SGCZ: variants seen among roughly 807,000 people sequenced by gnomAD.
SGCZ encodes the protein sarcoglycan zeta, also known as zeta-sarcoglycan.
Under a neutral mutation model 41.3 loss-of-function variants are expected in SGCZ, and 40 were observed. That is an observed-to-expected ratio of 0.97 (90% CI 0.75 to 1.26). The LOEUF is 1.26. Among genes scored for constraint, SGCZ ranks in the 50% most tolerant of loss-of-function variants. SGCZ has a pLI of 0.00. For missense variants in SGCZ, 552 were observed against 369.8 expected, an observed-to-expected ratio of 1.49 and a Z score of -4.04; for synonymous variants, 206 against 137.5, an observed-to-expected ratio of 1.50 and a Z score of -3.49.
chr8:14,379,774 C>T (rs2117186636), intron 2 of SGCZ, among the ~76,000 whole-genome samples: 1 of 152,152 alleles, frequency 6.6e-6, no homozygotes, highest in Admixed American at 6.5e-5. Flanking sequence ...CTCTGCTGCC[C>T]AGGCTGGAGT....
At chr8:14,418,854 G>A (rs1024437937) in intron 2 of SGCZ, among the ~76,000 whole-genome samples, 1 of 151,916 alleles carries the variant, frequency 6.6e-6, no homozygotes, top group Non-Finnish European at 1.5e-5. Flanking sequence ...CCAGTCAACA[G>A]TTTTGTGGAA....
At chr8:14,944,022 G>T (rs529746039) in intron 1 of SGCZ, among the ~76,000 whole-genome samples, 2 of 151,974 alleles carry the variant, frequency 1.3e-5, no homozygotes, top group African/African-American at 2.4e-5. Context: ...TGGGCATTTA[G>T]GTGAATTCCA....
At chr8:14,144,236 C>A (rs1018767595) in intron 5 of SGCZ, among the ~76,000 whole-genome samples, 1 of 152,172 alleles carries the variant, frequency 6.6e-6, no homozygotes, top group Non-Finnish European at 1.5e-5. Context: ...CCCCATCCTT[C>A]CACTTAAAGA....
At chr8:15,105,664 G>A (rs1806796212) in intron 1 of SGCZ, among the ~76,000 whole-genome samples, 1 of 152,126 alleles carries the variant, frequency 6.6e-6, no homozygotes, top group Non-Finnish European at 1.5e-5. Flanking sequence ...TGAGATCTGG[G>A]CAGGGACACA....
Position 14,101,050 on chromosome 8 carries a change from A to G in SGCZ, c.744+1326T>C, listed in dbSNP as rs537055822. ...ATATAGACTAGCATATAAATCATGTATGAGCATTTAAAATAACTAAGGTAG... is the reference window on the plus strand; with the variant it reads ...ATATAGACTAGCATATAAATCATGTGTGAGCATTTAAAATAACTAAGGTAG... On this transcript the variant is annotated intron_variant, in intron 7 of 7. Transcript: ENST00000382080. Among the ~76,000 whole-genome samples the G allele has an allele frequency of 6.6e-5, 10 of 152,322 alleles. 1 individual carries two copies. In the South Asian group the frequency reaches 2.1e-3, roughly 32 times the overall value.
At chr8:14,529,855 T>C (rs757425333) in intron 2 of SGCZ, among the ~76,000 whole-genome samples, 1 of 152,080 alleles carries the variant, frequency 6.6e-6, no homozygotes, top group African/African-American at 2.4e-5. Flanking sequence ...AATTTAAATA[T>C]ATTAGTGTGC....
intron 1 of SGCZ, among the ~76,000 whole-genome samples, chr8:14,741,256 TA>T (rs1320237999): frequency 6.6e-6 from 1 of 152,046 alleles, no homozygotes; most frequent in African/African-American, 2.4e-5. Context: ...TTTGGAGCAA[TA>T]ACCGTATTAA....
intron 2 of SGCZ, among the ~76,000 whole-genome samples, chr8:14,334,580 ATCT>A (rs989574259): frequency 8.5e-5 from 13 of 152,156 alleles, no homozygotes; most frequent in South Asian, 4.1e-4. Flanking sequence ...TAATTTGTAT[ATCT>A]TCTTAATTTA....
At chr8:15,100,439 G>T (rs1343108215) in intron 1 of SGCZ, among the ~76,000 whole-genome samples, 1 of 152,090 alleles carries the variant, frequency 6.6e-6, no homozygotes, top group Non-Finnish European at 1.5e-5. Context: ...AAATACTGAT[G>T]AAAGAAATCA....
Position 14,108,122 on chromosome 8 carries a change from A to G in SGCZ, c.620+41T>C, listed in dbSNP as rs771735314. 7 of 1,573,534 alleles carry G rather than the reference A, an allele frequency of 4.4e-6. No individual in the cohort carries two copies. The East Asian group carries it at 6.7e-5, about 15-fold the overall frequency. On this transcript the variant is annotated intron_variant, in intron 6 of 7. Coordinates refer to ENST00000382080, the MANE Select transcript of SGCZ (RefSeq NM_139167.4). ...CTTCATATATTAAGGATTATCAACA[A>G]TGATGGATTTTATGCCACAGGTATA...
chr8:14,598,415 T>C (rs1805482682), intron 1 of SGCZ, among the ~76,000 whole-genome samples: 1 of 152,170 alleles, frequency 6.6e-6, no homozygotes, highest in Non-Finnish European at 1.5e-5. Context: ...TTTTATGTCT[T>C]TATGTTTTCA....
chr8:14,436,942 G>A (rs55862954), intron 2 of SGCZ, among the ~76,000 whole-genome samples: 4 of 152,190 alleles, frequency 2.6e-5, no homozygotes, highest in South Asian at 2.1e-4. Context: ...TCAAAAACTG[G>A]CAGTATTTGT....
chr8:14,329,329 T>C, intron 2 of SGCZ, among the ~76,000 whole-genome samples: 1 of 152,232 alleles, frequency 6.6e-6, no homozygotes, highest in East Asian at 1.9e-4. Flanking sequence ...ATTAATTTAA[T>C]GAGACACTAT....
At chr8:14,763,815 G>A (rs1390502656) in intron 1 of SGCZ, among the ~76,000 whole-genome samples, 3 of 152,160 alleles carry the variant, frequency 2.0e-5, no homozygotes, top group Non-Finnish European at 2.9e-5. Context: ...CTATATTGAA[G>A]ATATTTTGTA....
chr8:14,310,681 C>T (rs912924961), intron 3 of SGCZ, among the ~76,000 whole-genome samples: 1 of 151,994 alleles, frequency 6.6e-6, no homozygotes, highest in African/African-American at 2.4e-5. Flanking sequence ...AGTGAATTGT[C>T]TTTTAGGCAA....
chr8:14,466,477 C>A (rs1486586174), intron 2 of SGCZ, among the ~76,000 whole-genome samples: 1 of 151,828 alleles, frequency 6.6e-6, no homozygotes, highest in Non-Finnish European at 1.5e-5. Context: ...ATACTTGGAG[C>A]CACTGAGCTC....
rs140201944 is a variant in SGCZ at position 14,871,076 on chromosome 8, G to A, written c.40-316150C>T. ...TACAAAATTAGGTGGGTGTGGTGGCGCATGCCTGTAATCCCAGCTACTTGG... is the reference window on the plus strand; with the variant it reads ...TACAAAATTAGGTGGGTGTGGTGGCACATGCCTGTAATCCCAGCTACTTGG... On this transcript the variant is annotated intron_variant, in intron 1 of 7. Transcript: ENST00000382080. Among the ~76,000 whole-genome samples, 1,451 of 152,042 alleles carry A rather than the reference G, an allele frequency of 9.5e-3. 17 individuals are homozygous for A. The highest frequency in any genetic ancestry group is 0.03 in the African/African-American group (1,242 of 41,498).
intron 4 of SGCZ, among the ~76,000 whole-genome samples, chr8:14,167,715 C>A (rs879502046): frequency 1.3e-5 from 2 of 152,118 alleles, no homozygotes; most frequent in African/African-American, 2.4e-5. Flanking sequence ...AAAGAACAAA[C>A]CACCACCATC....
chr8:14,533,303 G>T (rs1803193560), intron 2 of SGCZ, among the ~76,000 whole-genome samples: 1 of 151,460 alleles, frequency 6.6e-6, no homozygotes. Context: ...TAAAATTTAA[G>T]AATTTTTTAC....
Sources: gnomAD v4.1 joint callset for allele counts (sites outside exome capture counted in the v4.1 genomes callset) on GRCh38, gnomAD v4.1.1 for gene constraint, MANE v1.5 for transcripts, NCBI Gene and HGNC (gene_info 2026-07-23, HGNC 2026-07-21) for gene names.